Variants in CDC42BPA observed in about 807,000 individuals in gnomAD.
CDC42BPA encodes CDC42 binding protein kinase alpha, also known as serine/threonine-protein kinase MRCK alpha.
In CDC42BPA, 80 loss-of-function variants were observed where a neutral mutation model predicts 223.5. The observed-to-expected ratio is 0.36, with a 90% CI of 0.30 to 0.43. The LOEUF (loss-of-function observed/expected upper bound fraction) is 0.43. CDC42BPA is among the 20% of genes least tolerant of loss of function. The pLI is 1.00. For synonymous variants in CDC42BPA, 694 were observed against 718.6 expected (o/e 0.97, Z 0.55); for missense variants, 1,743 against 2,099.9 (o/e 0.83, Z 3.32).
intron 5 of CDC42BPA, among the ~76,000 whole-genome samples, chr1:227,164,318 T>G (rs1664632623): frequency 1.3e-5 from 2 of 152,200 alleles, no homozygotes; most frequent in African/African-American, 4.8e-5. Context: ...ATATTGAAAT[T>G]TTTATGGGAA....
chr1:227,030,963 C>T (rs1929859), intron 28 of CDC42BPA, among the ~76,000 whole-genome samples: 126,240 of 152,078 alleles, frequency 0.83, 52,428 homozygotes, highest in East Asian at 0.89. Context: ...CCAATAACCT[C>T]AGCAAGGTAA....
intron 5 of CDC42BPA, among the ~76,000 whole-genome samples, chr1:227,191,547 A>T (rs949635994): frequency 6.6e-6 from 1 of 152,122 alleles, no homozygotes; most frequent in African/African-American, 2.4e-5. Context: ...AGATACTACA[A>T]ATACCTCATA....
intron 1 of CDC42BPA, among the ~76,000 whole-genome samples, chr1:227,256,671 A>G (rs1352489268): frequency 6.6e-6 from 1 of 152,160 alleles, no homozygotes; most frequent in East Asian, 1.9e-4. Context: ...GAGGATGTGG[A>G]GAAACTGGAA....
At chr1:227,312,527 C>T (rs1693703547) in intron 1 of CDC42BPA, among the ~76,000 whole-genome samples, 1 of 152,096 alleles carries the variant, frequency 6.6e-6, no homozygotes, top group Non-Finnish European at 1.5e-5. Context: ...TTAATCCTGA[C>T]ATCCTGTTTT....
intron 14 of CDC42BPA, among the ~76,000 whole-genome samples, chr1:227,110,413 C>T (rs1317546807): frequency 6.6e-6 from 1 of 151,938 alleles, no homozygotes; most frequent in Non-Finnish European, 1.5e-5. Context: ...ATGTGTTTGG[C>T]AAGTAGGTAA....
chr1:227,177,621 G>C (rs1467851350), intron 5 of CDC42BPA, among the ~76,000 whole-genome samples: 1 of 152,086 alleles, frequency 6.6e-6, no homozygotes, highest in Non-Finnish European at 1.5e-5. Context: ...TTTCTTCCGT[G>C]GGGTGGAGGG....
chr1:227,002,269 A>G (rs984213695), intron 35 of CDC42BPA, among the ~76,000 whole-genome samples: 5 of 152,234 alleles, frequency 3.3e-5, no homozygotes, highest in African/African-American at 1.2e-4. Context: ...GATAACTTAT[A>G]GTTAGTAACA....
intron 11 of CDC42BPA, among the ~76,000 whole-genome samples, chr1:227,124,015 A>G (rs1418696384): frequency 6.6e-6 from 1 of 152,162 alleles, no homozygotes; most frequent in East Asian, 1.9e-4. Flanking sequence ...TTTCTCATAC[A>G]AAAATATTAA....
intron 11 of CDC42BPA, among the ~76,000 whole-genome samples, chr1:227,122,501 A>G (rs1022638826): frequency 6.6e-6 from 1 of 152,222 alleles, no homozygotes; most frequent in Non-Finnish European, 1.5e-5. Context: ...ATATAGTGTT[A>G]ATTTCAGTTC....
rs114305168 is a variant in CDC42BPA, at chr1:227,173,469, T to C, written c.600-12833A>G. ...TGATACATGTAATTTATTTGAGTCA[T>C]ACTATGTTTTGCCTCTGGAAAGGAC... On this transcript the variant is annotated intron_variant, in intron 5 of 36. Transcript: ENST00000366766. Among the ~76,000 whole-genome samples, 624 of 152,294 alleles carry C rather than the reference T, an allele frequency of 4.1e-3. 6 individuals carry two copies. Among genetic ancestry groups the C allele is most frequent in the African/African-American group, 0.015 (605 of 41,566 alleles).
intron 1 of CDC42BPA, among the ~76,000 whole-genome samples, chr1:227,277,705 T>G (rs1401343934): frequency 6.6e-6 from 1 of 152,194 alleles, no homozygotes; most frequent in Non-Finnish European, 1.5e-5. Flanking sequence ...TACTAAAAAT[T>G]TAAAATCTCT....
intron 10 of CDC42BPA, among the ~76,000 whole-genome samples, chr1:227,130,863 C>A (rs539844281): frequency 6.0e-4 from 90 of 151,004 alleles, no homozygotes; most frequent in African/African-American, 1.9e-3. Context: ...CAAAAAAAAA[C>A]AAACAAACAA....
chr1:227,154,245 CA>C (rs1385452959), intron 6 of CDC42BPA, among the ~76,000 whole-genome samples: 1 of 151,846 alleles, frequency 6.6e-6, no homozygotes, highest in Non-Finnish European at 1.5e-5. Context: ...CTCTGGTAAT[CA>C]GAAATGAGAA....
intron 1 of CDC42BPA, among the ~76,000 whole-genome samples, chr1:227,311,472 C>T (rs1559016942): frequency 6.6e-6 from 1 of 152,164 alleles, no homozygotes; most frequent in Non-Finnish European, 1.5e-5. Flanking sequence ...TCACCTACAT[C>T]TACCCTAGAG....
intron 21 of CDC42BPA, among the ~76,000 whole-genome samples, chr1:227,055,564 T>C (rs1284846183): frequency 6.6e-6 from 1 of 152,118 alleles, no homozygotes; most frequent in Non-Finnish European, 1.5e-5. Context: ...TTAATACCAT[T>C]AGTTATTTTA....
intron 5 of CDC42BPA, among the ~76,000 whole-genome samples, chr1:227,190,506 T>G (rs1200054375): frequency 6.6e-6 from 1 of 152,230 alleles, no homozygotes; most frequent in Non-Finnish European, 1.5e-5. Flanking sequence ...CTTGTATAAC[T>G]CATTTAGCAA....
chr1:227,167,928 TGTTC>T (rs1401278218), intron 5 of CDC42BPA, among the ~76,000 whole-genome samples: 1 of 65,708 alleles, frequency 1.5e-5, no homozygotes, highest in Non-Finnish European at 3.2e-5. Context: ...TAAATTCTTC[TGTTC>T]TTTTTTTTTT....
chr1:227,243,477 G>C lies in CDC42BPA; in HGVS notation c.270+10587C>G, dbSNP rs572464407. Among the ~76,000 whole-genome samples the C allele has an allele frequency of 1.1e-4, 17 of 152,176 alleles. No homozygotes were observed. In the South Asian group the frequency reaches 3.5e-3, roughly 32 times the overall value. On this transcript the variant is annotated intron_variant, in intron 2 of 36. Transcript: ENST00000366766. ...AATCAGAAACCACAAAGAATAAAGT[G>C]AACTTTGACCTATACCTCAGAAAAC...
At chr1:227,150,202 C>T (rs1245489264) in intron 6 of CDC42BPA, among the ~76,000 whole-genome samples, 7 of 139,328 alleles carry the variant, frequency 5.0e-5, no homozygotes, top group Admixed American at 1.5e-4. Flanking sequence ...CCAGCCTGGG[C>T]GACAAGAGTG....
Sources: allele counts gnomAD v4.1 joint callset (sites outside exome capture counted in the v4.1 genomes callset), GRCh38; gene constraint gnomAD v4.1.1; transcripts MANE v1.5; gene names NCBI Gene and HGNC (gene_info 2026-07-23, HGNC 2026-07-21).